Variants in CFI observed in about 807,000 individuals in gnomAD.
The protein encoded by CFI is C3B/C4B inactivator.
Under a neutral mutation model 78.8 loss-of-function variants are expected in CFI, and 66 were observed. The observed-to-expected ratio is 0.84, with a 90% CI of 0.69 to 1.03. The LOEUF (loss-of-function observed/expected upper bound fraction) is 1.03. CFI is among the 50% of genes least tolerant of loss of function. The pLI is 0.00. For synonymous variants in CFI, 250 were observed against 232.6 expected (o/e 1.07, Z -0.68); for missense variants, 706 against 704.5 (o/e 1.00, Z -0.02).
chr4:109,783,811 T>TAA (rs750346105), intron 1 of CFI, among the ~76,000 whole-genome samples: 1,083 of 105,814 alleles, frequency 0.01, 140 homozygotes, highest in African/African-American at 0.04. Flanking sequence ...AAAGAAACTG[T>TAA]GATATATATA....
chr4:109,760,024 C>G, intron 6 of CFI: 1 of 651,466 alleles, frequency 1.5e-6, no homozygotes, highest in Non-Finnish European at 2.8e-6. Flanking sequence ...AGGATTGGTT[C>G]TAATGGTCTA....
intron 1 of CFI, among the ~76,000 whole-genome samples, chr4:109,791,033 C>A (rs1416792728): frequency 6.6e-6 from 1 of 152,150 alleles, no homozygotes; most frequent in Non-Finnish European, 1.5e-5. Context: ...CACTGTGTTC[C>A]ACAATGGTTG....
chr4:109,760,375 G>A lies in CFI; in HGVS notation c.778C>T (p.Gln260Ter). Residue 260 changes from glutamine (Q) to a stop codon, truncating the protein, a stop_gained, in exon 6 of 13, where the codon CAA becomes TAA. Transcript: ENST00000394634. LOFTEE classifies it high-confidence loss of function. ...GATTTGCAATGGAAGCCTTTGCCTTGGCATGCTGTGCAAACATAAGCAGGA... is the reference window on the plus strand; with the variant it reads ...GATTTGCAATGGAAGCCTTTGCCTTAGCATGCTGTGCAAACATAAGCAGGA... ...QSDELCCKAC[Q>*]GKGFHCKSGV... is the part of the protein sequence containing the mutation. 6.2e-7 allele frequency: 1 copy of A among 1,612,238 alleles called. No individual in the cohort carries two copies. Among genetic ancestry groups the A allele is most frequent in the South Asian group, 1.1e-5 (1 of 91,022 alleles).
chr4:109,775,294 C>G (rs970609968), intron 1 of CFI, among the ~76,000 whole-genome samples: 1 of 152,162 alleles, frequency 6.6e-6, no homozygotes, highest in Non-Finnish European at 1.5e-5. Context: ...TGGGACACTC[C>G]CACCCTAATG....
intron 10 of CFI, among the ~76,000 whole-genome samples, chr4:109,747,564 TG>T (rs1321095312): frequency 2.0e-5 from 3 of 152,196 alleles, no homozygotes; most frequent in Non-Finnish European, 4.4e-5. Flanking sequence ...TTAGTTTTTT[TG>T]GTTTGATTAG....
chr4:109,752,938 A>T (rs1406177795), intron 7 of CFI, among the ~76,000 whole-genome samples: 1 of 80,640 alleles, frequency 1.2e-5, no homozygotes, highest in Non-Finnish European at 2.4e-5. Context: ...TATTATATAA[A>T]TAAATATTTA....
At position 109,740,900 on chromosome 4, in the gene CFI, T is replaced by C. The variant is rs1187032277; in HGVS notation, c.1745A>G (p.Asn582Ser). The C allele has an allele frequency of 5.0e-6, 8 of 1,613,244 alleles. No homozygotes were observed. The highest frequency in any genetic ancestry group is 1.3e-5 in the African/African-American group (1 of 74,896). The part of the protein sequence containing the change: ...HVGRPFISQY[N>S]V ...AAGAGAGAGATCACAATTTTATACA[T>C]TGTACTGAGAAATAAAAGGCCTTCC... The change falls in exon 13 of 13, where the codon AAT becomes AGT. Residue 582 changes from asparagine (N) to serine (S), a missense_variant. Asn to Ser is a conservative substitution (Grantham distance 46). Transcript: ENST00000394634.
intron 11 of CFI, among the ~76,000 whole-genome samples, chr4:109,745,771 T>C (rs1724333265): frequency 6.6e-6 from 1 of 152,164 alleles, no homozygotes; most frequent in South Asian, 2.1e-4. Flanking sequence ...TTTTATCTTT[T>C]ACCCACATCT....
rs908177559 is a variant in CFI at position 109,797,376 on chromosome 4, G to A, written c.57+4539C>T. ...TAATGGGAAAACTGGAAATCCACAT[G>A]CAAAAACTGAAATTGGACCCCTATA... On this transcript the variant is annotated intron_variant, in intron 1 of 12. Transcript: ENST00000394634. 3.3e-5 allele frequency among the ~76,000 whole-genome samples: 5 copies of A among 152,244 alleles called. 1 individual carries two copies. The South Asian group carries it at 1.0e-3, about 32-fold the overall frequency.
intron 2 of CFI, 138 bp downstream of exon 2, chr4:109,766,416 C>G: frequency 1.1e-6 from 1 of 910,574 alleles, no homozygotes; most frequent in Non-Finnish European, 1.7e-6. Context: ...GTGATTACTC[C>G]AATTATTATT....
chr4:109,786,273 C>T (rs1730727968), intron 1 of CFI, among the ~76,000 whole-genome samples: 1 of 152,084 alleles, frequency 6.6e-6, no homozygotes, highest in Admixed American at 6.6e-5. Flanking sequence ...TCCATTAATC[C>T]ACTCGCCTCA....
intron 7 of CFI, among the ~76,000 whole-genome samples, chr4:109,756,948 A>T (rs916549838): frequency 1.7e-4 from 25 of 150,558 alleles, no homozygotes; most frequent in African/African-American, 5.1e-4. Flanking sequence ...AAAGAAAGAA[A>T]GAAAGAAAGA....
chr4:109,738,138 G>A (rs568222827), downstream of CFI, among the ~76,000 whole-genome samples: 229 of 147,116 alleles, frequency 1.6e-3, no homozygotes, highest in African/African-American at 5.5e-3. Context: ...TTTTTAAGAC[G>A]AGGTCTTGAT....
intron 11 of CFI, among the ~76,000 whole-genome samples, chr4:109,745,967 G>A (rs541205284): frequency 4.6e-5 from 7 of 152,242 alleles, no homozygotes; most frequent in Admixed American, 1.3e-4. Context: ...GTGGAATGGG[G>A]CCATTTCAAA....
intron 7 of CFI, among the ~76,000 whole-genome samples, chr4:109,757,378 G>A (rs1726457462): frequency 6.6e-6 from 1 of 152,112 alleles, no homozygotes; most frequent in Non-Finnish European, 1.5e-5. Context: ...AAGAGCTAGA[G>A]CATTTGGGGA....
At position 109,746,422 on chromosome 4, in the gene CFI, T is replaced by G; in HGVS notation, c.1229A>C (p.Glu410Ala). The G allele has an allele frequency of 6.2e-7, 1 of 1,613,600 alleles. No homozygotes were observed. The highest frequency in any genetic ancestry group is 8.5e-7 in the Non-Finnish European group (1 of 1,179,510). ...ATGGAAAATAATTCTATCCACGTAT[T>G]CAATTACTATACGTTTAAGGTCGGG... ...IHPDLKRIVI[E>A]YVDRIIFHEN... The change falls in exon 11 of 13, where the codon GAA becomes GCA. Residue 410 changes from glutamate to alanine, a missense_variant. Physicochemically the swap from Glu to Ala is moderately radical, Grantham distance 107 (BLOSUM62 -1). Transcript: ENST00000394634.
chr4:109,742,307 A>G, intron 12 of CFI, 184 bp downstream of exon 12: 2 of 603,552 alleles, frequency 3.3e-6, no homozygotes, highest in Admixed American at 2.8e-5. Flanking sequence ...ATTTTTCCTC[A>G]TAGTATTAGA....
chr4:109,796,564 G>C (rs1265797579), intron 1 of CFI, among the ~76,000 whole-genome samples: 3 of 152,214 alleles, frequency 2.0e-5, no homozygotes, highest in Non-Finnish European at 4.4e-5. Context: ...TGCTTTGAGA[G>C]GCCATGGTGG....
At chr4:109,752,623 A>G in intron 7 of CFI, 120 bp from the exon 8 acceptor site, 2 of 831,994 alleles carry the variant, frequency 2.4e-6, no homozygotes, top group South Asian at 3.0e-5. Context: ...TCCCTTTTAT[A>G]AAGAACTGTA....
Sources: allele counts gnomAD v4.1 joint callset (sites outside exome capture counted in the v4.1 genomes callset), GRCh38; gene constraint gnomAD v4.1.1; transcripts MANE v1.5; gene names NCBI Gene and HGNC (gene_info 2026-07-23, HGNC 2026-07-21).